HEMK2: variants seen among roughly 807,000 people sequenced by gnomAD.
HEMK2 encodes the protein HemK methyltransferase 2, ETF1 glutamine and histone H4 lysine.
At chr21:28,648,268 A>G in the HEMK2 span, among the ~76,000 whole-genome samples, 1 of 152,232 alleles carries the variant, frequency 6.6e-6, no homozygotes, top group African/African-American at 2.4e-5. Flanking sequence ...CATTTGACCC[A>G]CTTTCCACTG....
the HEMK2 span, among the ~76,000 whole-genome samples, chr21:28,580,795 A>G: frequency 6.6e-6 from 1 of 152,094 alleles, no homozygotes; most frequent in Non-Finnish European, 1.5e-5. Context: ...CTGTGTGCAT[A>G]TCCTGTTCCT....
chr21:28,880,424 T>C, the HEMK2 span, among the ~76,000 whole-genome samples: 3 of 152,152 alleles, frequency 2.0e-5, no homozygotes, highest in Non-Finnish European at 4.4e-5. Context: ...CTTATACTAA[T>C]TATGGAAACA....
At chr21:28,853,825 C>T in the HEMK2 span, among the ~76,000 whole-genome samples, 1 of 152,278 alleles carries the variant, frequency 6.6e-6, no homozygotes, top group East Asian at 1.9e-4. Flanking sequence ...GCTCAATGTC[C>T]CCAGCTTCAT....
chr21:28,639,237 C>A, the HEMK2 span, among the ~76,000 whole-genome samples: 1 of 152,060 alleles, frequency 6.6e-6, no homozygotes, highest in Non-Finnish European at 1.5e-5. Context: ...CTAGTTTGAC[C>A]AAAAGAAAGA....
the HEMK2 span, among the ~76,000 whole-genome samples, chr21:28,741,595 A>G: frequency 1.3e-5 from 2 of 151,942 alleles, no homozygotes; most frequent in African/African-American, 2.4e-5. Flanking sequence ...GTTCCCCTCT[A>G]TGTGTCTCTG....
At chr21:28,844,224 AT>A in the HEMK2 span, among the ~76,000 whole-genome samples, 4 of 152,016 alleles carry the variant, frequency 2.6e-5, no homozygotes, top group Non-Finnish European at 5.9e-5. Flanking sequence ...ATACCATCTG[AT>A]TTTAAATATC....
At chr21:28,864,576 C>T in the HEMK2 span, among the ~76,000 whole-genome samples, 1 of 152,162 alleles carries the variant, frequency 6.6e-6, no homozygotes, top group Non-Finnish European at 1.5e-5. Flanking sequence ...CATTTCCTCT[C>T]TCCTCAACCC....
chr21:28,749,519 C>G, the HEMK2 span, among the ~76,000 whole-genome samples: 1 of 151,600 alleles, frequency 6.6e-6, no homozygotes, highest in Non-Finnish European at 1.5e-5. Context: ...GAAGGACACA[C>G]AGCCAAAATT....
the HEMK2 span, among the ~76,000 whole-genome samples, chr21:28,680,768 A>C: frequency 6.6e-6 from 1 of 152,214 alleles, no homozygotes; most frequent in Non-Finnish European, 1.5e-5. Flanking sequence ...AATAAACGTA[A>C]TCCAGCATAT....
At chr21:28,776,576 G>A in the HEMK2 span, among the ~76,000 whole-genome samples, 37 of 152,234 alleles carry the variant, frequency 2.4e-4, no homozygotes, top group Middle Eastern at 3.4e-3. Context: ...TGACTCACAC[G>A]ATCACAAGGT....
the HEMK2 span, among the ~76,000 whole-genome samples, chr21:28,777,063 A>T: frequency 6.6e-6 from 1 of 152,202 alleles, no homozygotes; most frequent in South Asian, 2.1e-4. Context: ...ATTATTGAAC[A>T]TGTTTTTCAC....
the HEMK2 span, among the ~76,000 whole-genome samples, chr21:28,831,167 G>A: frequency 0.082 from 12,464 of 151,866 alleles, 1,175 homozygotes; most frequent in African/African-American, 0.22. Context: ...AGTATTAGCT[G>A]GGAGCTATGG....
the HEMK2 span, among the ~76,000 whole-genome samples, chr21:28,832,222 T>C: frequency 6.6e-6 from 1 of 152,288 alleles, no homozygotes; most frequent in Non-Finnish European, 1.5e-5. Context: ...GATCTCACAT[T>C]GTAGGGCAAA....
chr21:28,678,651 C>T, the HEMK2 span, among the ~76,000 whole-genome samples: 4 of 152,150 alleles, frequency 2.6e-5, no homozygotes, highest in African/African-American at 7.2e-5. Flanking sequence ...AGAGAAAGGT[C>T]GGGTAACCCA....
the HEMK2 span, among the ~76,000 whole-genome samples, chr21:28,593,094 G>A: frequency 6.6e-5 from 10 of 152,256 alleles, no homozygotes; most frequent in Admixed American, 6.5e-5. Context: ...TACTTAGGAG[G>A]CTGAGACAGG....
chr21:28,715,154 C>T, the HEMK2 span, among the ~76,000 whole-genome samples: 7 of 152,228 alleles, frequency 4.6e-5, no homozygotes, highest in Admixed American at 3.9e-4. Flanking sequence ...GGTATATATC[C>T]AGCAATTTGA....
At chr21:28,810,570 CT>C in the HEMK2 span, among the ~76,000 whole-genome samples, 1 of 152,158 alleles carries the variant, frequency 6.6e-6, no homozygotes, top group Non-Finnish European at 1.5e-5. Flanking sequence ...TTGGGATAAT[CT>C]AAACTGGATC....
chr21:28,841,005 TATATATATA>T, the HEMK2 span, among the ~76,000 whole-genome samples: 10 of 114,040 alleles, frequency 8.8e-5, no homozygotes, highest in Non-Finnish European at 1.2e-4. Flanking sequence ...ATATATATAT[TATATATATA>T]ATATATAAAT....
At chr21:28,801,565 T>C in the HEMK2 span, among the ~76,000 whole-genome samples, 2 of 151,826 alleles carry the variant, frequency 1.3e-5, no homozygotes, top group Admixed American at 6.6e-5. Context: ...AATAGGAAAA[T>C]TTGAAAAAAT....
Sources: allele counts gnomAD v4.1 joint callset (sites outside exome capture counted in the v4.1 genomes callset), GRCh38; gene constraint gnomAD v4.1.1; transcripts MANE v1.5; gene names NCBI Gene and HGNC (gene_info 2026-07-23, HGNC 2026-07-21).